The following PTPRN2 variants were observed in gnomAD, a reference collection of about 807,000 sequenced individuals.
PTPRN2 encodes the protein protein tyrosine phosphatase receptor type N2, also known as receptor-type tyrosine-protein phosphatase N2.
Under a neutral mutation model 118.8 loss-of-function variants are expected in PTPRN2, and 74 were observed. That is an observed-to-expected ratio of 0.62 (90% CI 0.52 to 0.76). The LOEUF is 0.76. PTPRN2 is among the 30% of genes least tolerant of loss of function. The pLI, the probability that PTPRN2 is intolerant of heterozygous loss-of-function variation, is 0.00. For synonymous variants in PTPRN2, 641 were observed against 608.0 expected (o/e 1.05, Z -0.80); for missense variants, 1,481 against 1,394.4 (o/e 1.06, Z -0.99).
chr7:157,737,455 C>T (rs529840716), intron 12 of PTPRN2, among the ~76,000 whole-genome samples: 16 of 152,344 alleles, frequency 1.1e-4, no homozygotes, highest in Admixed American at 5.2e-4. Context: ...GCTCTCTGGC[C>T]GGGCAGCCTC....
intron 12 of PTPRN2, among the ~76,000 whole-genome samples, chr7:157,745,326 T>G (rs896668570): frequency 3.9e-5 from 6 of 151,980 alleles, no homozygotes; most frequent in African/African-American, 1.5e-4. Flanking sequence ...CACGGACTCG[T>G]CCACCCTCTC....
intron 10 of PTPRN2, among the ~76,000 whole-genome samples, chr7:158,100,550 C>CGGAT (rs1815150695): frequency 6.6e-6 from 1 of 152,162 alleles, no homozygotes; most frequent in African/African-American, 2.4e-5. Flanking sequence ...TCACCACATC[C>CGGAT]ACACCAGCAT....
intron 18 of PTPRN2, 132 bp from the exon 19 acceptor site, chr7:157,576,911 G>A: frequency 2.1e-6 from 2 of 942,978 alleles, no homozygotes; most frequent in East Asian, 2.7e-5. Context: ...ATTTTACAGC[G>A]CAGGTGGGTT....
At chr7:157,597,500 A>C (rs1801414299) in intron 16 of PTPRN2, among the ~76,000 whole-genome samples, 1 of 150,436 alleles carries the variant, frequency 6.6e-6, no homozygotes. Flanking sequence ...TTTTTTGCCC[A>C]GAGCAATTTC....
chr7:157,847,801 C>T (rs112782330), intron 12 of PTPRN2, among the ~76,000 whole-genome samples: 46 of 55,706 alleles, frequency 8.3e-4, no homozygotes, highest in Middle Eastern at 0.015. Flanking sequence ...CTCCATCATG[C>T]GTGCCCGATG....
At chr7:157,915,394 C>T (rs868249532) in intron 11 of PTPRN2, among the ~76,000 whole-genome samples, 3 of 152,254 alleles carry the variant, frequency 2.0e-5, no homozygotes, top group South Asian at 2.1e-4. Context: ...TTGTACATCC[C>T]TGTGAAGCTT....
At chr7:157,744,362 AT>A (rs2150967781) in intron 12 of PTPRN2, among the ~76,000 whole-genome samples, 1 of 152,228 alleles carries the variant, frequency 6.6e-6, no homozygotes, top group Admixed American at 6.5e-5. Flanking sequence ...ACCTAAGGTG[AT>A]AGGAACTGGG....
intron 2 of PTPRN2, among the ~76,000 whole-genome samples, chr7:158,353,386 A>G (rs1453654444): frequency 6.6e-6 from 1 of 152,394 alleles, no homozygotes; most frequent in Non-Finnish European, 1.5e-5. Flanking sequence ...TGCTAAGCAC[A>G]ATGTTGAAGT....
At chr7:158,495,837 G>A (rs1821802627) in intron 1 of PTPRN2, among the ~76,000 whole-genome samples, 2 of 152,148 alleles carry the variant, frequency 1.3e-5, no homozygotes, top group African/African-American at 4.8e-5. Context: ...CAGCCCTGCG[G>A]TCAGGGCATC....
Position 157,649,023 on chromosome 7 carries a change from G to A in PTPRN2, c.2196+7334C>T, listed in dbSNP as rs1805395310. ...TCGGTGGGTCGGATCCATTCACTGT[G>A]CACTGAACTCGGTGGGTTGGACCCA... is the stretch of plus-strand genomic sequence containing the variant. On this transcript the variant is annotated intron_variant, in intron 14 of 22. Coordinates refer to ENST00000389418, the MANE Select transcript of PTPRN2 (RefSeq NM_002847.5). Among the ~76,000 whole-genome samples, 4 of 142,694 alleles carry A rather than the reference G, an allele frequency of 2.8e-5. No individual in the cohort carries two copies. In the South Asian group the frequency reaches 9.8e-4, roughly 35 times the overall value. 93.6% of individuals were successfully genotyped at this position (142,694 alleles called of 152,430 possible).
intron 12 of PTPRN2, among the ~76,000 whole-genome samples, chr7:157,844,046 C>T (rs143119514): frequency 5.5e-4 from 83 of 152,080 alleles, no homozygotes; most frequent in Non-Finnish European, 1.1e-3. Flanking sequence ...GGCCCCTCCA[C>T]GTCATCGGTG....
At chr7:158,005,233 C>G (rs1367418662) in intron 11 of PTPRN2, among the ~76,000 whole-genome samples, 1 of 152,138 alleles carries the variant, frequency 6.6e-6, no homozygotes, top group Non-Finnish European at 1.5e-5. Flanking sequence ...AGCCACCACA[C>G]TTGGCGAATT....
intron 15 of PTPRN2, chr7:157,616,002 C>A: frequency 4.5e-6 from 1 of 223,134 alleles, no homozygotes; most frequent in Non-Finnish European, 9.0e-6. Flanking sequence ...TGGCCTGGGG[C>A]CCCTCTGGAG....
intron 3 of PTPRN2, among the ~76,000 whole-genome samples, chr7:158,219,365 C>T (rs1325485940): frequency 6.6e-6 from 1 of 151,998 alleles, no homozygotes; most frequent in Non-Finnish European, 1.5e-5. Flanking sequence ...TTATTTGAAA[C>T]TAATGAAAAC....
intron 3 of PTPRN2, among the ~76,000 whole-genome samples, chr7:158,236,598 C>T (rs1224477308): frequency 6.6e-6 from 1 of 152,172 alleles, no homozygotes; most frequent in Non-Finnish European, 1.5e-5. Context: ...CTTCATGGAG[C>T]CGCCGTGAAG....
intron 12 of PTPRN2, among the ~76,000 whole-genome samples, chr7:157,877,037 G>C (rs1795810059): frequency 6.6e-6 from 1 of 152,274 alleles, no homozygotes; most frequent in African/African-American, 2.4e-5. Flanking sequence ...GTTTCCTCGG[G>C]GACCCCATAT....
intron 1 of PTPRN2, among the ~76,000 whole-genome samples, chr7:158,556,189 T>C (rs929076692): frequency 2.0e-5 from 3 of 152,158 alleles, no homozygotes; most frequent in African/African-American, 7.2e-5. Context: ...TGGATATAGA[T>C]GATGGATAGG....
intron 2 of PTPRN2, among the ~76,000 whole-genome samples, chr7:158,358,228 T>G (rs1487917393): frequency 6.6e-6 from 1 of 152,142 alleles, no homozygotes; most frequent in East Asian, 1.9e-4. Flanking sequence ...CCACCTTTCT[T>G]CCGGCCTGGT....
At chr7:158,551,615 G>T (rs1464769892) in intron 1 of PTPRN2, among the ~76,000 whole-genome samples, 6 of 115,082 alleles carry the variant, frequency 5.2e-5, no homozygotes, top group Non-Finnish European at 1.1e-4. Flanking sequence ...GGGGGGCCCT[G>T]CCTCCTAATC....
Sources: allele counts gnomAD v4.1 joint callset (sites outside exome capture counted in the v4.1 genomes callset), GRCh38; gene constraint gnomAD v4.1.1; transcripts MANE v1.5; gene names NCBI Gene and HGNC (gene_info 2026-07-23, HGNC 2026-07-21).